The following SPINT1 variants were observed in gnomAD, a reference collection of about 807,000 sequenced individuals.
SPINT1 encodes serine peptidase inhibitor, Kunitz type 1.
Under a neutral mutation model 53.7 loss-of-function variants are expected in SPINT1, and 38 were observed. The observed-to-expected ratio is 0.71, with a 90% CI of 0.55 to 0.93. The LOEUF (loss-of-function observed/expected upper bound fraction) is 0.93. Among genes scored for constraint, SPINT1 ranks in the 40% least tolerant of loss-of-function variants. The probability of loss-of-function intolerance (pLI) is 0.00; values close to 1 mark genes in which losing one functional copy is unlikely to be tolerated. For synonymous variants in SPINT1, 283 were observed against 280.6 expected (o/e 1.01, Z -0.08); for missense variants, 645 against 692.9 (o/e 0.93, Z 0.78).
intron 7 of SPINT1, 33 bp from the exon 8 acceptor site, chr15:40,854,606 T>C: frequency 6.2e-7 from 1 of 1,614,200 alleles, no homozygotes; most frequent in East Asian, 2.2e-5. Flanking sequence ...AGACCCTTGT[T>C]GGGTCTGAGA....
rs534952233 is a variant in SPINT1, at chr15:40,857,127, C to G, written c.*152C>G. ...GCTCCAGCCCCTCTTGGAGAAGTCT[C>G]AGCTAAGCTCACGTCCTGAGAAAGC... On this transcript the variant is annotated 3_prime_UTR_variant, in exon 11 of 11. Coordinates refer to ENST00000562057, the MANE Select transcript of SPINT1 (RefSeq NM_003710.4). 1.3e-5 allele frequency: 13 copies of G among 1,021,608 alleles called. No individual in the cohort carries two copies. The East Asian group carries it at 2.4e-4, about 19-fold the overall frequency. 63.3% of individuals were successfully genotyped at this position (1,021,608 alleles called of 1,614,324 possible). A position where few individuals can be genotyped will look rare whatever the true frequency, so the allele number is the denominator to read the frequency against.
intron 10 of SPINT1, 45 bp from the exon 11 acceptor site, chr15:40,856,725 C>T (rs778988352): frequency 4.3e-6 from 7 of 1,610,064 alleles, no homozygotes. Context: ...GTGTCAGAAC[C>T]AGGCAGGCCC....
chr15:40,855,685 G>A (rs1891610576), intron 8 of SPINT1: 2 of 507,244 alleles, frequency 3.9e-6, no homozygotes. Flanking sequence ...AGTCGGCGTA[G>A]TTTACTTTTG....
chr15:40,849,914 A>G (rs945324595), intron 2 of SPINT1, among the ~76,000 whole-genome samples: 4 of 152,226 alleles, frequency 2.6e-5, no homozygotes, highest in Non-Finnish European at 5.9e-5. Context: ...ATAGGGTCCC[A>G]CTTGCGACTG....
In SPINT1 at chr15:40,844,151, T is replaced by G. The variant is rs949713444; in HGVS notation, c.-101T>G. 4.5e-6 allele frequency: 2 copies of G among 440,554 alleles called. No individual in the cohort carries two copies. Among genetic ancestry groups the G allele is most frequent in the African/African-American group, 4.3e-5 (2 of 46,794 alleles). 27.3% of individuals were successfully genotyped at this position (440,554 alleles called of 1,614,324 possible). A position where few individuals can be genotyped will look rare whatever the true frequency, so the allele number is the denominator to read the frequency against. On this transcript the variant is annotated 5_prime_UTR_variant, in exon 1 of 11. Transcript: ENST00000562057. This position sits in a 1 kb window ranked among gnomAD's most constrained non-coding sequence, Gnocchi z 5.8. ...CGCGCAGGAAGCTGGGACCGGAACC[T>G]CGGCGGACCCGGCCCCACCCAACTC...
Position 40,856,311 on chromosome 15 carries a change from A to G in SPINT1, c.1324A>G (p.Ile442Val). ...DVFGLRREIP[I>V]PSTGSVEMAV... The stretch of plus-strand genomic sequence containing the variant: ...GTTTGGCCTGAGGCGGGAAATCCCC[A>G]TTCCCAGCACAGGTAAGCCCTGATC... The change falls in exon 10 of 11, where the codon ATT becomes GTT. Residue 442 changes from isoleucine (I) to valine (V), a missense_variant. Physicochemically the swap from Ile to Val is conservative, Grantham distance 29 (BLOSUM62 3). Transcript: ENST00000562057. 1.2e-6 allele frequency: 2 copies of G among 1,614,142 alleles called. No individual in the cohort carries two copies. Among genetic ancestry groups the G allele is most frequent in the South Asian group, 1.1e-5 (1 of 91,082 alleles).
chr15:40,855,701 A>T (rs767156663), intron 8 of SPINT1, 191 bp from the exon 9 acceptor site: 7 of 537,552 alleles, frequency 1.3e-5, no homozygotes, highest in Non-Finnish European at 2.3e-5. Flanking sequence ...TTTTGTGCCT[A>T]CAGTTATTGT....
At position 40,844,588 on chromosome 15, in the gene SPINT1, C is replaced by T. The variant is rs1338870753; in HGVS notation, c.34C>T (p.Leu12Phe). The part of the protein sequence containing the change: ...APARTMARAR[L>F]APAGIPAVAL... ...TGCGAGGACGATGGCCCGCGCCCGC[C>T]TCGCCCCGGCCGGCATCCCTGCCGT... The change falls in exon 2 of 11, where the codon CTC becomes TTC. Residue 12 changes from leucine to phenylalanine, a missense_variant. Physicochemically the swap from Leu to Phe is conservative, Grantham distance 22 (BLOSUM62 0). Transcript: ENST00000562057. This position sits in a 1 kb window ranked among gnomAD's most constrained non-coding sequence, Gnocchi z 5.8. 1.2e-6 allele frequency: 2 copies of T among 1,609,734 alleles called. No homozygotes were observed. The highest frequency in any genetic ancestry group is 2.2e-5 in the South Asian group (2 of 90,946).
intron 2 of SPINT1, among the ~76,000 whole-genome samples, chr15:40,849,518 A>G (rs993948192): frequency 4.6e-5 from 7 of 152,236 alleles, no homozygotes; most frequent in African/African-American, 1.7e-4. Flanking sequence ...TTGGGATTAC[A>G]GGTATGAGCC....
At chr15:40,849,035 G>A (rs536219742) in intron 2 of SPINT1, among the ~76,000 whole-genome samples, 151 of 151,282 alleles carry the variant, frequency 1.0e-3, no homozygotes, top group Middle Eastern at 3.4e-3. Context: ...TCACGAGGTC[G>A]GGAGATTGAG....
rs773871617 is a variant in SPINT1 at position 40,844,535 on chromosome 15, C to A, written c.-20C>A. The stretch of plus-strand genomic sequence containing the variant: ...CCAGAGGCCCGCGCTCTGAAGGTGA[C>A]CCCCCTGGGGAGGAAGGCGATGGCC... On this transcript the variant is annotated 5_prime_UTR_variant, in exon 2 of 11. Transcript: ENST00000562057. The surrounding 1 kb of genome is among the most constrained non-coding windows in gnomAD (Gnocchi z 5.8). 3 of 1,607,370 alleles carry A rather than the reference C, an allele frequency of 1.9e-6. No individual in the cohort carries two copies. Among genetic ancestry groups the A allele is most frequent in the African/African-American group, 2.7e-5 (2 of 74,546 alleles).
chr15:40,853,774 A>G lies in SPINT1; in HGVS notation c.806A>G (p.Asp269Gly). The change falls in exon 5 of 11, where the codon GAC becomes GGC. Residue 269 changes from aspartate to glycine, a missense_variant. Coordinates refer to ENST00000562057, the MANE Select transcript of SPINT1 (RefSeq NM_003710.4). ...GGCTCTTTCCCACGCTGGTACTATG[A>G]CCCCACGGAGCAGATCTGCAAGAGT... is the stretch of plus-strand genomic sequence containing the variant. Reference protein sequence around the residue: ...CRGSFPRWYYDPTEQICKSFV... With the variant: ...CRGSFPRWYYGPTEQICKSFV... The G allele has an allele frequency of 1.9e-6, 3 of 1,614,090 alleles. No homozygotes were observed. The highest frequency in any genetic ancestry group is 2.5e-6 in the Non-Finnish European group (3 of 1,180,000).
In SPINT1 at chr15:40,844,508, A is replaced by G; in HGVS notation, c.-47A>G. ...TTCTCAGGTCACCAGCACCCTCGGAACCCAGAGGCCCGCGCTCTGAAGGTG... is the reference window on the plus strand; with the variant it reads ...TTCTCAGGTCACCAGCACCCTCGGAGCCCAGAGGCCCGCGCTCTGAAGGTG... On this transcript the variant is annotated 5_prime_UTR_variant, in exon 2 of 11. Transcript: ENST00000562057. This position sits in a 1 kb window ranked among gnomAD's most constrained non-coding sequence, Gnocchi z 5.8. 1 of 1,571,976 alleles carries G rather than the reference A, an allele frequency of 6.4e-7. No homozygotes were observed. The highest frequency in any genetic ancestry group is 8.7e-7 in the Non-Finnish European group (1 of 1,144,938).
At position 40,853,184 on chromosome 15, in the gene SPINT1, T is replaced by A. The variant is rs775321975; in HGVS notation, c.536T>A (p.Leu179Gln). ...IDLKVQPQEP[L>Q]VLKDVENTDW... ...TTGAAGGTACAACCCCAGGAACCCCTGGTGCTGAAGGATGTGGAAAACACA... is the reference window on the plus strand; with the variant it reads ...TTGAAGGTACAACCCCAGGAACCCCAGGTGCTGAAGGATGTGGAAAACACA... Residue 179 changes from leucine (L) to glutamine (Q), a missense_variant, in exon 3 of 11, where the codon CTG becomes CAG. Leu to Gln is a moderately radical substitution (Grantham distance 113). Transcript: ENST00000562057. 6.2e-7 allele frequency: 1 copy of A among 1,614,176 alleles called. No homozygotes were observed. Among genetic ancestry groups the A allele is most frequent in the Non-Finnish European group, 8.5e-7 (1 of 1,180,006 alleles).
chr15:40,853,450 CAG>C (rs1891523409), intron 3 of SPINT1, 37 bp from the exon 4 acceptor site: 2 of 1,613,868 alleles, frequency 1.2e-6, no homozygotes, highest in African/African-American at 1.3e-5. Flanking sequence ...CCAAGGGCAT[CAG>C]GGGGTGCCCA....
chr15:40,855,695 G>A, intron 8 of SPINT1, 197 bp from the exon 9 acceptor site: 1 of 524,874 alleles, frequency 1.9e-6, no homozygotes, highest in East Asian at 3.1e-5. Context: ...GTTTACTTTT[G>A]TGCCTACAGT....
chr15:40,848,811 TTCTC>T (rs1007708163), intron 2 of SPINT1, among the ~76,000 whole-genome samples: 2 of 151,086 alleles, frequency 1.3e-5, no homozygotes, highest in African/African-American at 2.4e-5. Flanking sequence ...TCTCTTGATA[TTCTC>T]TCTCTCTCTC....
chr15:40,849,654 A>G (rs191716065), intron 2 of SPINT1, among the ~76,000 whole-genome samples: 71 of 152,358 alleles, frequency 4.7e-4, no homozygotes, highest in Non-Finnish European at 8.8e-5. Flanking sequence ...TGGATAACCT[A>G]TAGAATTACG....
intron 2 of SPINT1, among the ~76,000 whole-genome samples, chr15:40,847,790 A>G (rs904053053): frequency 1.3e-5 from 2 of 152,088 alleles, no homozygotes; most frequent in African/African-American, 4.8e-5. Context: ...GATTCAGCTC[A>G]AAGTCTGATG....
Sources: allele counts gnomAD v4.1 joint callset (sites outside exome capture counted in the v4.1 genomes callset), GRCh38; gene constraint gnomAD v4.1.1; non-coding constraint Gnocchi (gnomAD v3.1); transcripts MANE v1.5; gene names NCBI Gene and HGNC (gene_info 2026-07-23, HGNC 2026-07-21).